The following FAM168B variants were observed in gnomAD, a reference collection of about 807,000 sequenced individuals.
The protein encoded by FAM168B is family with sequence similarity 168 member B.
In FAM168B, 19 loss-of-function variants were observed where a neutral mutation model predicts 21.8. The observed-to-expected ratio is 0.87, with a 90% CI of 0.61 to 1.28. The LOEUF is 1.28. Ranked by LOEUF, FAM168B falls within the 50% of genes most tolerant of loss-of-function variation. FAM168B has a pLI of 0.00. For synonymous variants in FAM168B, 126 were observed against 104.8 expected (o/e 1.20, Z -1.24); for missense variants, 233 against 263.1 (o/e 0.89, Z 0.79).
intron 3 of FAM168B, among the ~76,000 whole-genome samples, chr2:131,060,321 G>A (rs921554208): frequency 6.6e-6 from 1 of 152,166 alleles, no homozygotes; most frequent in Non-Finnish European, 1.5e-5. Context: ...ACCGCGCCCG[G>A]CCGTGAGTAG....
chr2:131,061,359 C>T (rs1023448025), intron 3 of FAM168B, among the ~76,000 whole-genome samples: 2 of 151,268 alleles, frequency 1.3e-5, no homozygotes, highest in Non-Finnish European at 2.9e-5. Context: ...GATGCTGACA[C>T]ACAACTGAGA....
chr2:131,074,639 G>A (rs1573795325), intron 2 of FAM168B, among the ~76,000 whole-genome samples: 1 of 152,294 alleles, frequency 6.6e-6, no homozygotes, highest in Non-Finnish European at 1.5e-5. Context: ...CTTGGACTGG[G>A]ATTTTTAAGG....
chr2:131,067,351 C>T (rs1325503136), intron 3 of FAM168B, among the ~76,000 whole-genome samples: 1 of 152,174 alleles, frequency 6.6e-6, no homozygotes, highest in Non-Finnish European at 1.5e-5. Flanking sequence ...AAATACGTGG[C>T]ATTTGGATTA....
At chr2:131,059,330 A>C (rs372392497) in intron 3 of FAM168B, among the ~76,000 whole-genome samples, 19 of 152,278 alleles carry the variant, frequency 1.2e-4, no homozygotes, top group African/African-American at 4.1e-4. Context: ...CAAATGAAAG[A>C]AACTGTGGGG....
chr2:131,056,679 GC>G (rs1217417109), intron 3 of FAM168B, among the ~76,000 whole-genome samples: 2 of 152,176 alleles, frequency 1.3e-5, no homozygotes, highest in Non-Finnish European at 2.9e-5. Context: ...TGGCCCAGAT[GC>G]CCACCAGGAG....
At chr2:131,079,335 G>A (rs1357759394) in intron 2 of FAM168B, among the ~76,000 whole-genome samples, 2 of 152,246 alleles carry the variant, frequency 1.3e-5, no homozygotes, top group South Asian at 4.1e-4. Context: ...GGGCGTGGTG[G>A]CACGCACCAC....
rs527390428 is a variant in FAM168B at position 131,078,826 on chromosome 2, A to C, written c.70+3751T>G. ...TGAGACCCGATCTCTACAAAAATTAAAATTAAAAAATTATTCAGGCATGGT... is the reference window on the plus strand; with the variant it reads ...TGAGACCCGATCTCTACAAAAATTACAATTAAAAAATTATTCAGGCATGGT... On this transcript the variant is annotated intron_variant, in intron 2 of 6. Transcript: ENST00000389915. Among the ~76,000 whole-genome samples, 23 of 151,944 alleles carry C rather than the reference A, an allele frequency of 1.5e-4. No homozygotes were observed. In the South Asian group the frequency reaches 4.8e-3, roughly 32 times the overall value.
chr2:131,085,865 G>A (rs1020870247), intron 1 of FAM168B, among the ~76,000 whole-genome samples: 9 of 152,314 alleles, frequency 5.9e-5, no homozygotes, highest in African/African-American at 1.7e-4. Flanking sequence ...TACAGCAGCC[G>A]CCTGCCAAGA....
chr2:131,072,909 T>C (rs1189719128), intron 2 of FAM168B, among the ~76,000 whole-genome samples: 1 of 152,178 alleles, frequency 6.6e-6, no homozygotes, highest in African/African-American at 2.4e-5. Flanking sequence ...AATTCAAGTC[T>C]AGCTTGGACT....
intron 1 of FAM168B, among the ~76,000 whole-genome samples, chr2:131,092,813 A>T (rs571057070): frequency 4.0e-5 from 6 of 151,752 alleles, no homozygotes; most frequent in African/African-American, 1.5e-4. Context: ...AAGCAAAAAA[A>T]TAAAAATAAA....
intron 3 of FAM168B, among the ~76,000 whole-genome samples, chr2:131,070,825 T>C (rs1692836260): frequency 6.6e-6 from 1 of 152,150 alleles, no homozygotes; most frequent in Non-Finnish European, 1.5e-5. Context: ...TGGGCCAATA[T>C]GGCAAACAGC....
Position 131,052,464 on chromosome 2 carries a change from A to C in FAM168B, c.*13-12T>G, listed in dbSNP as rs2105450553. 2.0e-6 allele frequency: 2 copies of C among 998,786 alleles called. No individual in the cohort carries two copies. The highest frequency in any genetic ancestry group is 2.4e-6 in the Non-Finnish European group (2 of 837,416). 61.9% of individuals were successfully genotyped at this position (998,786 alleles called of 1,614,324 possible). A position where few individuals can be genotyped will look rare whatever the true frequency, so the allele number is the denominator to read the frequency against. On this transcript the variant is annotated splice_polypyrimidine_tract_variant and intron_variant, in intron 6 of 6. Coordinates refer to ENST00000389915, the MANE Select transcript of FAM168B (RefSeq NM_001009993.4). Reference sequence around the variant, plus strand: ...CTCCGTCCTCAAACCTGCAGAAAGGAAGACAGACACTCAGTCACACAGAGC... The same window carrying C: ...CTCCGTCCTCAAACCTGCAGAAAGGCAGACAGACACTCAGTCACACAGAGC...
intron 3 of FAM168B, among the ~76,000 whole-genome samples, chr2:131,066,178 T>G (rs1413922112): frequency 3.3e-5 from 5 of 150,996 alleles, no homozygotes; most frequent in African/African-American, 1.2e-4. Flanking sequence ...TTTTTTTTTT[T>G]GAGACTGAGT....
intron 3 of FAM168B, among the ~76,000 whole-genome samples, chr2:131,061,781 C>T (rs1186792708): frequency 7.7e-6 from 1 of 130,304 alleles, no homozygotes; most frequent in Non-Finnish European, 1.6e-5. Context: ...GACCCTGTCT[C>T]GAAAAAAAAA....
rs544569210 is a variant in FAM168B at position 131,072,116 on chromosome 2, G to GT, written c.71-179dup. On this transcript the variant is annotated intron_variant, in intron 2 of 6. Transcript: ENST00000389915. ...AGTTGTCTTCTTCCCGCAGAACTTT[G>GT]TTTTTTTTATCGTTGTCGTCTTTTG... 1.7e-4 allele frequency among the ~76,000 whole-genome samples: 26 copies of GT among 152,008 alleles called. 1 individual carries two copies. The South Asian group carries it at 4.4e-3, about 26-fold the overall frequency.
Position 131,051,057 on chromosome 2 carries a change from T to A in FAM168B, c.*1408A>T. Reference sequence around the variant, plus strand: ...TTCAGATCCTAAACTCAAATTCCTCTCCCACAATAAACCCTGCCAGCAAAC... The same window carrying A: ...TTCAGATCCTAAACTCAAATTCCTCACCCACAATAAACCCTGCCAGCAAAC... On this transcript the variant is annotated 3_prime_UTR_variant, in exon 7 of 7. Coordinates refer to ENST00000389915, the MANE Select transcript of FAM168B (RefSeq NM_001009993.4). The A allele has an allele frequency of 1.0e-6, 1 of 985,370 alleles. No homozygotes were observed. The highest frequency in any genetic ancestry group is 1.2e-6 in the Non-Finnish European group (1 of 829,968). 61.0% of individuals were successfully genotyped at this position (985,370 alleles called of 1,614,324 possible).
chr2:131,063,828 A>T (rs986362158), intron 3 of FAM168B, among the ~76,000 whole-genome samples: 21 of 152,060 alleles, frequency 1.4e-4, no homozygotes, highest in Admixed American at 1.1e-3. Context: ...AAGTAAAAAA[A>T]TTTTTTTAAT....
intron 3 of FAM168B, among the ~76,000 whole-genome samples, chr2:131,068,659 G>T (rs1692695650): frequency 6.6e-6 from 1 of 152,118 alleles, no homozygotes; most frequent in African/African-American, 2.4e-5. Context: ...CAATTTGAGA[G>T]CAGTCTTGGA....
In FAM168B at chr2:131,051,820, C is replaced by T. The variant is rs1691694508; in HGVS notation, c.*645G>A. 3.0e-6 allele frequency: 3 copies of T among 985,302 alleles called. No individual in the cohort carries two copies. Among genetic ancestry groups the T allele is most frequent in the Admixed American group, 1.2e-4 (2 of 16,258 alleles). 61.0% of individuals were successfully genotyped at this position (985,302 alleles called of 1,614,324 possible). The stretch of plus-strand genomic sequence containing the variant: ...CTAAACTCAAAGGGATGTCCATGAA[C>T]CAGCTGCACCCAAGCAGCTGTGGCT... On this transcript the variant is annotated 3_prime_UTR_variant, in exon 7 of 7. Transcript: ENST00000389915.
Sources: gnomAD v4.1 joint callset for allele counts (sites outside exome capture counted in the v4.1 genomes callset) on GRCh38, gnomAD v4.1.1 for gene constraint, MANE v1.5 for transcripts, NCBI Gene and HGNC (gene_info 2026-07-23, HGNC 2026-07-21) for gene names.